Variants in PXDN observed in about 807,000 individuals in gnomAD.
PXDN encodes peroxidasin, also known as peroxidasin homolog.
In PXDN, 77 loss-of-function variants were observed where a neutral mutation model predicts 140.3. That is an observed-to-expected ratio of 0.55 (90% confidence interval 0.46 to 0.66). The LOEUF (loss-of-function observed/expected upper bound fraction) is 0.66. PXDN is among the 30% of genes least tolerant of loss of function. The probability of loss-of-function intolerance (pLI) is 0.00; values close to 1 mark genes in which losing one functional copy is unlikely to be tolerated. For missense variants in PXDN, 1,838 were observed against 2,039.5 expected (o/e 0.90, Z 1.90); for synonymous variants, 911 against 857.4 (o/e 1.06, Z -1.09).
intron 18 of PXDN, among the ~76,000 whole-genome samples, chr2:1,644,380 G>A (rs1358167996): frequency 6.6e-6 from 1 of 152,148 alleles, no homozygotes; most frequent in East Asian, 1.9e-4. Context: ...ATGAAGGGGT[G>A]GGAAAAGCAT....
intron 1 of PXDN, among the ~76,000 whole-genome samples, chr2:1,743,804 C>G (rs1162447922): frequency 7.6e-6 from 1 of 130,922 alleles, no homozygotes; most frequent in Non-Finnish European, 1.6e-5. Context: ...GGGGCTGCGC[C>G]GCGCTCGGGG....
intron 1 of PXDN, among the ~76,000 whole-genome samples, chr2:1,718,147 C>T (rs972107951): frequency 2.9e-4 from 44 of 151,796 alleles, no homozygotes; most frequent in South Asian, 2.1e-3. Context: ...CTCTGCTAAC[C>T]GACCACCCAA....
intron 1 of PXDN, among the ~76,000 whole-genome samples, chr2:1,716,498 A>G (rs1357639777): frequency 2.0e-5 from 3 of 147,146 alleles, no homozygotes; most frequent in Non-Finnish European, 4.5e-5. Flanking sequence ...CCTGCCTCCC[A>G]GGACTGCGGC....
chr2:1,688,157 C>A (rs1406217916), intron 3 of PXDN, among the ~76,000 whole-genome samples: 1 of 152,124 alleles, frequency 6.6e-6, no homozygotes, highest in East Asian at 1.9e-4. Context: ...AATAACTCAC[C>A]CCTAGAATCC....
Position 1,683,719 on chromosome 2 carries a change from T to C in PXDN, c.497A>G (p.His166Arg). 6.2e-7 allele frequency: 1 copy of C among 1,600,756 alleles called. No individual in the cohort carries two copies. Among genetic ancestry groups the C allele is most frequent in the South Asian group, 1.1e-5 (1 of 87,058 alleles). The change falls in exon 6 of 23, where the codon CAT (histidine) becomes CGT (arginine). Residue 166 changes from histidine (H) to arginine (R), a missense_variant. By Grantham distance (29) the His-to-Arg change is conservative. Transcript: ENST00000252804. ...HLPKLERLFL[H>R]NNRITHLVPG... Reference sequence around the variant, plus strand: ...AACTAAATGTGTAATCCGGTTGTTATGCAAAAATCTGTTGAAAGAGATTTT... The same window carrying C: ...AACTAAATGTGTAATCCGGTTGTTACGCAAAAATCTGTTGAAAGAGATTTT...
At chr2:1,638,612 A>G (rs1682631706) in intron 21 of PXDN, among the ~76,000 whole-genome samples, 1 of 152,180 alleles carries the variant, frequency 6.6e-6, no homozygotes, top group Non-Finnish European at 1.5e-5. Flanking sequence ...GCCGTGACAC[A>G]GATTGCCCCT....
intron 1 of PXDN, among the ~76,000 whole-genome samples, chr2:1,735,005 A>G (rs1321619948): frequency 6.6e-6 from 1 of 152,218 alleles, no homozygotes; most frequent in African/African-American, 2.4e-5. Context: ...TGTTCACAGC[A>G]TCTTCACCAG....
In PXDN at chr2:1,639,436, A is replaced by G. The variant is rs7578605; in HGVS notation, c.3953-14T>C. Reference sequence around the variant, plus strand: ...TGGTCCTACAGTCTAAAATGGAAGCACAAAGCAGAATGTCAGCTCTGAAGG... The same window carrying G: ...TGGTCCTACAGTCTAAAATGGAAGCGCAAAGCAGAATGTCAGCTCTGAAGG... On this transcript the variant is annotated splice_polypyrimidine_tract_variant and intron_variant, in intron 19 of 22. Coordinates refer to ENST00000252804, the MANE Select transcript of PXDN (RefSeq NM_012293.3). This position sits in a 1 kb window ranked among gnomAD's most constrained non-coding sequence, Gnocchi z 5.0. 0.064 allele frequency: 103,492 copies of G among 1,613,794 alleles called. 3,997 individuals carry two copies. The highest frequency in any genetic ancestry group is 0.15 in the African/African-American group (11,606 of 75,018).
chr2:1,727,155 T>G (rs1263905156), intron 1 of PXDN, among the ~76,000 whole-genome samples: 2 of 152,192 alleles, frequency 1.3e-5, no homozygotes, highest in African/African-American at 2.4e-5. Context: ...GCATATCAAG[T>G]AACCGCTGAC....
intron 11 of PXDN, 108 bp downstream of exon 11, chr2:1,664,850 C>T (rs565385062): frequency 1.0e-6 from 1 of 974,154 alleles, no homozygotes; most frequent in Non-Finnish European, 1.5e-6. Context: ...CCAGTCCCAG[C>T]TCAGCCCTGT....
At chr2:1,691,309 C>A (rs1425372570) in intron 3 of PXDN, among the ~76,000 whole-genome samples, 1 of 152,146 alleles carries the variant, frequency 6.6e-6, no homozygotes, top group African/African-American at 2.4e-5. Flanking sequence ...TGAGACTAAA[C>A]CAGTACTTCC....
chr2:1,635,803 G>A, intron 21 of PXDN: 1 of 431,628 alleles, frequency 2.3e-6, no homozygotes, highest in Non-Finnish European at 4.3e-6. Flanking sequence ...GATTCAACCA[G>A]ATGACGAGAA....
chr2:1,680,741 A>C (rs1182363467), intron 6 of PXDN, among the ~76,000 whole-genome samples: 1 of 152,208 alleles, frequency 6.6e-6, no homozygotes, highest in African/African-American at 2.4e-5. Context: ...CACAGAAATC[A>C]GTAACATGAA....
rs1370845440 is a variant in PXDN at position 1,714,892 on chromosome 2, G to A, written c.201-21758C>T. On this transcript the variant is annotated intron_variant, in intron 1 of 22. Coordinates refer to ENST00000252804, the MANE Select transcript of PXDN (RefSeq NM_012293.3). This position sits in a 1 kb window ranked among gnomAD's most constrained non-coding sequence, Gnocchi z 4.3. ...CTCTGGGAGCCTGGCCTGGCGCCCT[G>A]TCTTGCTCACCCTGTCCCAGATTAA... Among the ~76,000 whole-genome samples the A allele has an allele frequency of 6.6e-6, 1 of 152,114 alleles. No individual in the cohort carries two copies. Among genetic ancestry groups the A allele is most frequent in the African/African-American group, 2.4e-5 (1 of 41,434 alleles).
At chr2:1,683,329 T>C (rs1173936081) in intron 6 of PXDN, among the ~76,000 whole-genome samples, 3 of 151,974 alleles carry the variant, frequency 2.0e-5, no homozygotes, top group Admixed American at 6.6e-5. Flanking sequence ...TTTGGGAGAA[T>C]TGCTTGAGCC....
rs752964840 is a variant in PXDN, at chr2:1,740,236, G to A, written c.200+4020C>T. 5.3e-4 allele frequency among the ~76,000 whole-genome samples: 81 copies of A among 152,272 alleles called. 1 individual carries two copies. Among genetic ancestry groups the A allele is most frequent in the Non-Finnish European group, 9.1e-4 (62 of 68,012 alleles). On this transcript the variant is annotated intron_variant, in intron 1 of 22. Coordinates refer to ENST00000252804, the MANE Select transcript of PXDN (RefSeq NM_012293.3). ...GCAGGCGGGCCCCTCTGCAGCACCAGCCAGCCGGCTCCCTGAGTGCCAGGC... is the reference window on the plus strand; with the variant it reads ...GCAGGCGGGCCCCTCTGCAGCACCAACCAGCCGGCTCCCTGAGTGCCAGGC...
chr2:1,718,652 C>G (rs1684947038), intron 1 of PXDN, among the ~76,000 whole-genome samples: 1 of 152,278 alleles, frequency 6.6e-6, no homozygotes, highest in African/African-American at 2.4e-5. Flanking sequence ...AAACCTGCCA[C>G]AGGGCAGCAC....
Position 1,649,412 on chromosome 2 carries a change from G to A in PXDN, c.2368C>T (p.His790Tyr), listed in dbSNP as rs1371024078. The A allele has an allele frequency of 6.2e-7, 1 of 1,613,986 alleles. No homozygotes were observed. The highest frequency in any genetic ancestry group is 8.5e-7 in the Non-Finnish European group (1 of 1,179,892). ...GINPHRLYNGHALPMPRLVST... is the reference protein window; with the variant it reads ...GINPHRLYNGYALPMPRLVST... ...ACCAGGCGCGGCATGGGAAGGGCGT[G>A]CCCGTTGTACAGTCGGTGGGGGTTG... Residue 790 changes from histidine (H) to tyrosine (Y), a missense_variant, in exon 17 of 23, where the codon CAC becomes TAC. Transcript: ENST00000252804. This position sits in a 1 kb window ranked among gnomAD's most constrained non-coding sequence, Gnocchi z 7.1.
At position 1,687,611 on chromosome 2, in the gene PXDN, A is replaced by T. The variant is rs750194134; in HGVS notation, c.416+21T>A. On this transcript the variant is annotated intron_variant, in intron 4 of 22. Coordinates refer to ENST00000252804, the MANE Select transcript of PXDN (RefSeq NM_012293.3). The surrounding 1 kb of genome is among the most constrained non-coding windows in gnomAD (Gnocchi z 4.0). ...CCAGACGGCATCCAAGAACTAAAGCACGAAGAGAAGGGGCACTTACAGTTG... is the reference window on the plus strand; with the variant it reads ...CCAGACGGCATCCAAGAACTAAAGCTCGAAGAGAAGGGGCACTTACAGTTG... The T allele has an allele frequency of 2.0e-6, 3 of 1,472,168 alleles. No individual in the cohort carries two copies. The highest frequency in any genetic ancestry group is 3.5e-5 in the Admixed American group (2 of 56,456). 91.2% of individuals were successfully genotyped at this position (1,472,168 alleles called of 1,614,324 possible).
Sources: allele counts gnomAD v4.1 joint callset (sites outside exome capture counted in the v4.1 genomes callset), GRCh38; gene constraint gnomAD v4.1.1; non-coding constraint Gnocchi (gnomAD v3.1); transcripts MANE v1.5; gene names NCBI Gene and HGNC (gene_info 2026-07-23, HGNC 2026-07-21).